Variants in TMEM131 observed in about 807,000 individuals in gnomAD.
TMEM131 encodes the protein 2610524E03Rik.
Under a neutral mutation model 211.6 loss-of-function variants are expected in TMEM131, and 66 were observed. That is an observed-to-expected ratio of 0.31 (90% CI 0.26 to 0.38). TMEM131 has a LOEUF of 0.38. Ranked by LOEUF, TMEM131 falls within the 10% of genes least tolerant of loss-of-function variation. The pLI is 1.00. For missense variants in TMEM131, 2,036 were observed against 2,299.3 expected (o/e 0.89, Z 2.34); for synonymous variants, 844 against 841.3 (o/e 1.00, Z -0.06).
rs189369013 is a variant in TMEM131 at position 97,819,975 on chromosome 2, G to C, written c.1075-1254C>G. Among the ~76,000 whole-genome samples the C allele has an allele frequency of 2.2e-3, 335 of 152,360 alleles. 4 individuals carry two copies. The highest frequency in any genetic ancestry group is 1.2e-3 in the Non-Finnish European group (81 of 68,032). On this transcript the variant is annotated intron_variant, in intron 11 of 40. Transcript: ENST00000186436. ...AGAGAGAGAATGATCCTCGTGCCTT[G>C]TGTGTGGGATCACAGGGTACGGATC...
intron 11 of TMEM131, among the ~76,000 whole-genome samples, chr2:97,821,621 C>T (rs781757848): frequency 1.2e-4 from 18 of 152,224 alleles, no homozygotes; most frequent in Non-Finnish European, 2.2e-4. Context: ...ATTCCGGACA[C>T]ATTTTGGCGA....
At chr2:97,772,629 C>CG (rs1467160789) in intron 32 of TMEM131, among the ~76,000 whole-genome samples, 1 of 152,224 alleles carries the variant, frequency 6.6e-6, no homozygotes, top group Non-Finnish European at 1.5e-5. Flanking sequence ...TGTGCGGTGG[C>CG]GCATGCCTGT....
At chr2:97,761,105 T>C (rs2104758554) in intron 36 of TMEM131, 191 bp from the exon 37 acceptor site, 1 of 645,568 alleles carries the variant, frequency 1.5e-6, no homozygotes, top group East Asian at 2.8e-5. Flanking sequence ...GAGGGCTTTC[T>C]GGAGAAAGGT....
intron 12 of TMEM131, among the ~76,000 whole-genome samples, chr2:97,816,516 G>A (rs1681834507): frequency 6.6e-6 from 1 of 152,124 alleles, no homozygotes; most frequent in African/African-American, 2.4e-5. Flanking sequence ...GAATTCATAT[G>A]TGAGTTCCGC....
At chr2:97,925,487 T>C (rs1278187820) in intron 2 of TMEM131, among the ~76,000 whole-genome samples, 1 of 152,190 alleles carries the variant, frequency 6.6e-6, no homozygotes, top group Non-Finnish European at 1.5e-5. Flanking sequence ...CAAACAGGAA[T>C]GACAATGGCC....
intron 10 of TMEM131, among the ~76,000 whole-genome samples, chr2:97,834,120 T>C (rs757312106): frequency 6.3e-4 from 96 of 152,228 alleles, no homozygotes; most frequent in Non-Finnish European, 1.0e-3. Context: ...CATATTATTA[T>C]ATATAGTCCA....
At chr2:97,899,140 T>C (rs560422530) in intron 3 of TMEM131, among the ~76,000 whole-genome samples, 4 of 152,254 alleles carry the variant, frequency 2.6e-5, no homozygotes, top group Non-Finnish European at 4.4e-5. Flanking sequence ...TCCTTCATAA[T>C]TGTAAAATGT....
intron 33 of TMEM131, among the ~76,000 whole-genome samples, chr2:97,769,293 T>C (rs1679350883): frequency 6.6e-6 from 1 of 152,228 alleles, no homozygotes; most frequent in Admixed American, 6.5e-5. Context: ...GGCTTATTTT[T>C]ATAATATATT....
At chr2:97,837,229 G>T in intron 7 of TMEM131, 72 bp from the exon 8 acceptor site, 2 of 1,103,722 alleles carry the variant, frequency 1.8e-6, no homozygotes, top group Non-Finnish European at 2.6e-6. Flanking sequence ...CTATTACACA[G>T]AAATAATTCT....
chr2:97,968,125 T>C (rs915939000), intron 1 of TMEM131, among the ~76,000 whole-genome samples: 4 of 152,050 alleles, frequency 2.6e-5, no homozygotes, highest in Non-Finnish European at 4.4e-5. Context: ...TCCACCACAC[T>C]GAAAGCTCTT....
Position 97,815,819 on chromosome 2 carries a change from C to A in TMEM131, c.1184-512G>T, listed in dbSNP as rs570528095. 1.5e-4 allele frequency among the ~76,000 whole-genome samples: 23 copies of A among 152,256 alleles called. 1 individual carries two copies. The highest frequency in any genetic ancestry group is 8.5e-4 in the Admixed American group (13 of 15,298). ...CAAAATTACCCCCCACTTAGCCCTG[C>A]TGATTTACACTTGAACTGAGAAAGA... On this transcript the variant is annotated intron_variant, in intron 12 of 40. Coordinates refer to ENST00000186436, the MANE Select transcript of TMEM131 (RefSeq NM_015348.2).
chr2:97,872,322 T>C (rs979796971), intron 4 of TMEM131, among the ~76,000 whole-genome samples: 2 of 152,160 alleles, frequency 1.3e-5, no homozygotes, highest in East Asian at 1.9e-4. Context: ...CAACTGTTGA[T>C]AGTTTTCAAG....
In TMEM131 at chr2:97,761,862, A is replaced by G. The variant is rs183030458; in HGVS notation, c.4889+173T>C. ...CCGGGTTACTGTTGGAGCTGGGCAC[A>G]GCAGCAGGAAGCGGGGGTGGACCCC... On this transcript the variant is annotated intron_variant, in intron 36 of 40. Coordinates refer to ENST00000186436, the MANE Select transcript of TMEM131 (RefSeq NM_015348.2). 4,798 of 648,258 alleles carry G rather than the reference A, an allele frequency of 7.4e-3. 28 individuals carry two copies. Among genetic ancestry groups the G allele is most frequent in the Non-Finnish European group, 9.5e-3 (3,832 of 401,438 alleles). The allele number at this position is 648,258 out of a possible 1,614,324, so 40.2% of individuals were successfully genotyped here. A position where few individuals can be genotyped will look rare whatever the true frequency, so the allele number is the denominator to read the frequency against.
chr2:97,810,415 T>C (rs1183841488), intron 18 of TMEM131, among the ~76,000 whole-genome samples: 1 of 152,212 alleles, frequency 6.6e-6, no homozygotes, highest in Non-Finnish European at 1.5e-5. Flanking sequence ...TCTCAACAAA[T>C]CATTTATTAT....
intron 11 of TMEM131, among the ~76,000 whole-genome samples, chr2:97,827,946 G>GT (rs1205742345): frequency 6.6e-6 from 1 of 152,070 alleles, no homozygotes; most frequent in African/African-American, 2.4e-5. Flanking sequence ...TTACCATGTT[G>GT]TTTTTTAGTA....
intron 1 of TMEM131, among the ~76,000 whole-genome samples, chr2:97,930,794 A>T (rs1677186369): frequency 6.6e-6 from 1 of 151,822 alleles, no homozygotes; most frequent in Admixed American, 6.5e-5. Flanking sequence ...TCTCCCAAAA[A>T]TATTTCCCCT....
At chr2:97,953,284 A>C (rs1192057883) in intron 1 of TMEM131, among the ~76,000 whole-genome samples, 2 of 152,226 alleles carry the variant, frequency 1.3e-5, no homozygotes, top group African/African-American at 4.8e-5. Flanking sequence ...GACAAAACCC[A>C]ACTACATACC....
chr2:97,888,154 T>C (rs1484483660), intron 3 of TMEM131, 34 bp from the exon 4 acceptor site: 6 of 1,558,042 alleles, frequency 3.9e-6, no homozygotes, highest in Admixed American at 1.7e-5. Flanking sequence ...TAAGAAGCAA[T>C]TCTTCAAAAT....
intron 25 of TMEM131, 46 bp from the exon 26 acceptor site, chr2:97,797,562 G>C: frequency 6.5e-7 from 1 of 1,528,212 alleles, no homozygotes. Flanking sequence ...TATATTCTCT[G>C]GAAGAATGTT....
Sources: allele counts gnomAD v4.1 joint callset (sites outside exome capture counted in the v4.1 genomes callset), GRCh38; gene constraint gnomAD v4.1.1; transcripts MANE v1.5; gene names NCBI Gene and HGNC (gene_info 2026-07-23, HGNC 2026-07-21).